The following TP63 variants were observed in gnomAD, a reference collection of about 807,000 sequenced individuals.
TP63 encodes the protein tumor protein 63.
A neutral mutation model predicts 82.8 loss-of-function variants in TP63; 17 were observed. That is an observed-to-expected ratio of 0.21 (90% CI 0.14 to 0.31). The LOEUF (loss-of-function observed/expected upper bound fraction) is 0.31, where lower values mean the gene tolerates loss of function less well. Among genes scored for constraint, TP63 ranks in the 10% least tolerant of loss-of-function variants. The pLI is 1.00. For synonymous variants in TP63, 330 were observed against 321.7 expected (o/e 1.03, Z -0.28); for missense variants, 648 against 895.3 (o/e 0.72, Z 3.52).
chr3:189,712,904 G>A (rs1718696584), intron 1 of TP63, among the ~76,000 whole-genome samples: 1 of 152,174 alleles, frequency 6.6e-6, no homozygotes, highest in Admixed American at 6.6e-5. Context: ...TTTGGGCTTT[G>A]ATCTTGAGAG....
In TP63 at chr3:189,819,096, T is replaced by C. The variant is rs183639372; in HGVS notation, c.579+10570T>C. 1.3e-3 allele frequency among the ~76,000 whole-genome samples: 200 copies of C among 152,310 alleles called. 1 individual carries two copies. Among genetic ancestry groups the C allele is most frequent in the Non-Finnish European group, 2.2e-3 (148 of 68,014 alleles). ...CATGTAAAAATAGAAAGTGTTTTCA[T>C]AGTAGGAATTTGGAATAACTTTTTC... On this transcript the variant is annotated intron_variant, in intron 4 of 13. Transcript: ENST00000264731.
chr3:189,805,505 G>T (rs1456533905), intron 3 of TP63, among the ~76,000 whole-genome samples: 1 of 152,206 alleles, frequency 6.6e-6, no homozygotes, highest in African/African-American at 2.4e-5. Context: ...TAACTTCACT[G>T]GTGAAGTCCT....
At chr3:189,718,225 G>A (rs1218837491) in intron 1 of TP63, among the ~76,000 whole-genome samples, 2 of 151,954 alleles carry the variant, frequency 1.3e-5, no homozygotes, top group East Asian at 3.9e-4. Context: ...GTGATCTTGT[G>A]TTTATTTTGG....
At chr3:189,653,233 T>A (rs918387856) in intron 1 of TP63, among the ~76,000 whole-genome samples, 1 of 152,214 alleles carries the variant, frequency 6.6e-6, no homozygotes, top group Non-Finnish European at 1.5e-5. Flanking sequence ...AACATACATA[T>A]GCCAGGACAG....
chr3:189,820,349 A>G lies in TP63; in HGVS notation c.579+11823A>G, dbSNP rs1728675393. Among the ~76,000 whole-genome samples the G allele has an allele frequency of 3.9e-5, 6 of 152,296 alleles. No homozygotes were observed. In the South Asian group the frequency reaches 1.0e-3, roughly 26 times the overall value. ...TTGTATAAGTTTCCACAATGCATTCATATTTCAGAACTGATTTCTTACCTA... is the reference window on the plus strand; with the variant it reads ...TTGTATAAGTTTCCACAATGCATTCGTATTTCAGAACTGATTTCTTACCTA... On this transcript the variant is annotated intron_variant, in intron 4 of 13. Coordinates refer to ENST00000264731, the MANE Select transcript of TP63 (RefSeq NM_003722.5).
chr3:189,824,834 TAA>T (rs75963451), intron 4 of TP63, among the ~76,000 whole-genome samples: 173 of 138,590 alleles, frequency 1.2e-3, no homozygotes, highest in Non-Finnish European at 1.4e-3. Context: ...TTTGTAGGTT[TAA>T]AAAAAAAAAA....
At chr3:189,606,721 T>C in the TP63 span, among the ~76,000 whole-genome samples, 1 of 151,930 alleles carries the variant, frequency 6.6e-6, no homozygotes, top group Non-Finnish European at 1.5e-5. Context: ...CCCAGGCTGG[T>C]CTCCAACTCC....
At chr3:189,699,029 A>C (rs1289072495) in intron 1 of TP63, among the ~76,000 whole-genome samples, 1 of 152,188 alleles carries the variant, frequency 6.6e-6, no homozygotes, top group Non-Finnish European at 1.5e-5. Flanking sequence ...GCTCCCAGGC[A>C]CATAGTGATG....
chr3:189,802,000 G>A (rs1157070610), intron 3 of TP63, among the ~76,000 whole-genome samples: 15 of 152,110 alleles, frequency 9.9e-5, no homozygotes, highest in Admixed American at 6.5e-5. Flanking sequence ...TTAACTTGAC[G>A]TTTGAATACC....
intron 3 of TP63, among the ~76,000 whole-genome samples, chr3:189,752,279 T>A (rs1470954967): frequency 6.6e-6 from 1 of 152,184 alleles, no homozygotes; most frequent in African/African-American, 2.4e-5. Flanking sequence ...GCTCACCTGA[T>A]CCTCCCATCT....
rs2108806506 is a variant in TP63, at chr3:189,868,640, C to T, written c.1053C>T (p.Asp351=). 1.2e-6 allele frequency: 2 copies of T among 1,614,124 alleles called. No homozygotes were observed. Among genetic ancestry groups the T allele is most frequent in the African/African-American group, 2.7e-5 (2 of 75,032 alleles). Residue 351 remains aspartate (D), a synonymous_variant, in exon 8 of 14, where the codon GAC becomes GAT. Coordinates refer to ENST00000264731, the MANE Select transcript of TP63 (RefSeq NM_003722.5). ...EARICACPGR[D]RKADEDSIRK... is the part of the protein sequence containing the mutation. ...GGATCTGTGCTTGCCCAGGAAGAGA[C>T]AGGAAGGCGGATGAAGATAGCATCA...
chr3:189,691,671 A>G (rs942487642), intron 1 of TP63, among the ~76,000 whole-genome samples: 5 of 152,182 alleles, frequency 3.3e-5, no homozygotes, highest in African/African-American at 1.2e-4. Flanking sequence ...CAGGGTTCCT[A>G]TCTGTAAAAG....
chr3:189,689,391 C>T (rs1716734392), intron 1 of TP63, among the ~76,000 whole-genome samples: 2 of 151,996 alleles, frequency 1.3e-5, no homozygotes, highest in Non-Finnish European at 2.9e-5. Flanking sequence ...GCTAGAATTA[C>T]AGATGTGAGC....
intron 4 of TP63, among the ~76,000 whole-genome samples, chr3:189,834,066 TG>T (rs1461107851): frequency 1.3e-5 from 2 of 152,118 alleles, no homozygotes; most frequent in East Asian, 3.9e-4. Context: ...TTTTGAAGGT[TG>T]AGAGACATGA....
At chr3:189,775,339 CTCAT>C (rs1723715467) in intron 3 of TP63, among the ~76,000 whole-genome samples, 1 of 151,632 alleles carries the variant, frequency 6.6e-6, no homozygotes, top group East Asian at 1.9e-4. Flanking sequence ...CATCTTCAAA[CTCAT>C]TCTGCCTCAA....
At chr3:189,735,682 G>A (rs775262643) in intron 1 of TP63, among the ~76,000 whole-genome samples, 4 of 152,006 alleles carry the variant, frequency 2.6e-5, no homozygotes, top group African/African-American at 4.8e-5. Flanking sequence ...CTAAATAGCC[G>A]CTTTACCCAT....
At chr3:189,677,718 T>C (rs985436310) in intron 1 of TP63, among the ~76,000 whole-genome samples, 3 of 152,048 alleles carry the variant, frequency 2.0e-5, no homozygotes, top group African/African-American at 7.2e-5. Context: ...CCACCAACAG[T>C]GTATAAGCAT....
rs1560117520 is a variant in TP63, at chr3:189,697,233, G to GAATT, written c.63-40507_63-40506insAATT. On this transcript the variant is annotated intron_variant, in intron 1 of 13. Coordinates refer to ENST00000264731, the MANE Select transcript of TP63 (RefSeq NM_003722.5). ...GATGTAAGGTGTATGTCTAGGTTCA[G>GAATT]TTTTTTTTTTTTTTTTGCATATGGA... 1.9e-3 allele frequency among the ~76,000 whole-genome samples: 271 copies of GAATT among 142,272 alleles called. 3 individuals carry two copies. The highest frequency in any genetic ancestry group is 6.7e-3 in the African/African-American group (256 of 38,410). 93.3% of individuals were successfully genotyped at this position (142,272 alleles called of 152,430 possible).
chr3:189,615,798 C>T, the TP63 span, among the ~76,000 whole-genome samples: 1 of 152,238 alleles, frequency 6.6e-6, no homozygotes, highest in East Asian at 1.9e-4. Context: ...CAACTCCACA[C>T]TTTAGGAAGA....
Sources: gnomAD v4.1 joint callset for allele counts (sites outside exome capture counted in the v4.1 genomes callset) on GRCh38, gnomAD v4.1.1 for gene constraint, MANE v1.5 for transcripts, NCBI Gene and HGNC (gene_info 2026-07-23, HGNC 2026-07-21) for gene names.